FER1L6: variants seen among roughly 807,000 people sequenced by gnomAD.
FER1L6 encodes the protein fer-1 like family member 6.
FER1L6 carries 177 observed loss-of-function variants against 219.2 expected under a neutral mutation model. The observed-to-expected ratio is 0.81, with a 90% CI of 0.71 to 0.91. FER1L6 has a LOEUF of 0.91. FER1L6 is among the 40% of genes least tolerant of loss of function. The pLI is 0.00. For missense variants in FER1L6, 2,153 were observed against 2,259.9 expected, an observed-to-expected ratio of 0.95 and a Z score of 0.96; for synonymous variants, 768 against 824.3, an observed-to-expected ratio of 0.93 and a Z score of 1.17.
rs748297600 is a variant in FER1L6 at position 124,097,251 on chromosome 8, A to G, written c.4696-20A>G. The G allele has an allele frequency of 1.0e-5, 16 of 1,597,466 alleles. No individual in the cohort carries two copies. The East Asian group carries it at 2.7e-4, about 27-fold the overall frequency. On this transcript the variant is annotated intron_variant, in intron 35 of 40. Coordinates refer to ENST00000522917, the MANE Select transcript of FER1L6 (RefSeq NM_001039112.2). ...TAGCCCCCTCCCAAAGCTAAAGAAG[A>G]TATTTTTTTTCTTAACAAGGGCCGC...
intron 1 of FER1L6, among the ~76,000 whole-genome samples, chr8:123,855,720 C>T (rs1185923864): frequency 1.4e-5 from 2 of 147,526 alleles, no homozygotes; most frequent in African/African-American, 2.5e-5. Flanking sequence ...CACACACACA[C>T]ACACACATAT....
intron 12 of FER1L6, among the ~76,000 whole-genome samples, chr8:124,002,391 C>A (rs1817453113): frequency 1.3e-5 from 2 of 152,140 alleles, no homozygotes; most frequent in Admixed American, 1.3e-4. Context: ...GAAGGCTTCC[C>A]AAGTTAAGAG....
chr8:123,873,280 T>C (rs1816953496), intron 1 of FER1L6, among the ~76,000 whole-genome samples: 1 of 152,182 alleles, frequency 6.6e-6, no homozygotes, highest in African/African-American at 2.4e-5. Flanking sequence ...CTTCCTTTAA[T>C]TTGACATCAT....
intron 1 of FER1L6, among the ~76,000 whole-genome samples, chr8:123,918,219 G>T (rs1156507506): frequency 1.3e-5 from 2 of 151,638 alleles, no homozygotes; most frequent in African/African-American, 4.9e-5. Flanking sequence ...TGAGGTGGAA[G>T]AATTGCTTGA....
At position 124,066,458 on chromosome 8, in the gene FER1L6, A is replaced by G. The variant is rs762093622; in HGVS notation, c.3586A>G (p.Lys1196Glu). Reference sequence around the variant, plus strand: ...CAGGAAGCCTTCCCGGAGGTCCACTAAGAGGAGAAAGAGGACCATAGCAGA... The same window carrying G: ...CAGGAAGCCTTCCCGGAGGTCCACTGAGAGGAGAAAGAGGACCATAGCAGA... ...DPRKPSRRSTKRRKRTIADES... is the reference protein window; with the variant it reads ...DPRKPSRRSTERRKRTIADES... Residue 1196 changes from lysine (K) to glutamate (E), a missense_variant, in exon 27 of 41, where the codon AAG (lysine) becomes GAG (glutamate). By Grantham distance (56) the Lys-to-Glu change is moderately conservative. Transcript: ENST00000522917. 6.2e-7 allele frequency: 1 copy of G among 1,614,020 alleles called. No individual in the cohort carries two copies. Among genetic ancestry groups the G allele is most frequent in the Admixed American group, 1.7e-5 (1 of 60,028 alleles).
intron 11 of FER1L6, among the ~76,000 whole-genome samples, chr8:123,983,247 C>A (rs933336915): frequency 6.6e-6 from 1 of 152,080 alleles, no homozygotes; most frequent in African/African-American, 2.4e-5. Flanking sequence ...ACCTTCATTG[C>A]CCATCTGGAC....
chr8:123,988,911 A>C (rs1286078726), intron 12 of FER1L6, among the ~76,000 whole-genome samples: 1 of 152,154 alleles, frequency 6.6e-6, no homozygotes, highest in Non-Finnish European at 1.5e-5. Context: ...CCAGATCTTA[A>C]AGGAAAGGCT....
intron 1 of FER1L6, among the ~76,000 whole-genome samples, chr8:123,865,209 C>G (rs531390948): frequency 8.1e-5 from 12 of 149,044 alleles, no homozygotes; most frequent in African/African-American, 2.8e-4. Flanking sequence ...AGACAGGACC[C>G]TCAGCTGCAG....
intron 11 of FER1L6, among the ~76,000 whole-genome samples, chr8:123,983,838 A>G (rs1046230947): frequency 6.6e-6 from 1 of 152,210 alleles, no homozygotes; most frequent in African/African-American, 2.4e-5. Context: ...ATGCTTAATA[A>G]TTTTGGGCAG....
intron 39 of FER1L6, among the ~76,000 whole-genome samples, chr8:124,117,133 G>A (rs892486029): frequency 6.6e-6 from 1 of 152,244 alleles, no homozygotes; most frequent in Non-Finnish European, 1.5e-5. Context: ...GAAAGAGTAT[G>A]AGCTTTGGTA....
intron 10 of FER1L6, among the ~76,000 whole-genome samples, 159 bp downstream of exon 10, chr8:123,977,768 G>C (rs147162416): frequency 3.0e-4 from 46 of 152,298 alleles, no homozygotes; most frequent in African/African-American, 1.0e-3. Flanking sequence ...TTGGGGGATG[G>C]TTTTGGGATG....
At chr8:123,938,985 C>T (rs903580344) in intron 1 of FER1L6, among the ~76,000 whole-genome samples, 1 of 152,192 alleles carries the variant, frequency 6.6e-6, no homozygotes, top group African/African-American at 2.4e-5. Context: ...CGAGGGTTGC[C>T]TGGGTCACTT....
intron 1 of FER1L6, among the ~76,000 whole-genome samples, chr8:123,917,785 C>T (rs900238605): frequency 6.6e-6 from 1 of 152,184 alleles, no homozygotes; most frequent in Non-Finnish European, 1.5e-5. Context: ...TCGCATTATT[C>T]ATGCTGTTCT....
At position 124,082,453 on chromosome 8, in the gene FER1L6, T is replaced by A. The variant is rs748706654; in HGVS notation, c.4386T>A (p.Tyr1462Ter). Residue 1462 changes from tyrosine (Y) to a stop codon, truncating the protein, a stop_gained, in exon 33 of 41, where the codon TAT becomes TAA. Coordinates refer to ENST00000522917, the MANE Select transcript of FER1L6 (RefSeq NM_001039112.2). LOFTEE classifies it high-confidence loss of function. ...CCATCTGTGGCTTGCAGAGCCAGTA[T>A]GAGATGTAAGTTCTTTCTCCCCGGG... Reference protein sequence around the residue: ...HRAICGLQSQYEIEGYNAWRD... With the variant: ...HRAICGLQSQ 6.2e-7 allele frequency: 1 copy of A among 1,612,658 alleles called. No homozygotes were observed. Among genetic ancestry groups the A allele is most frequent in the South Asian group, 1.1e-5 (1 of 90,952 alleles).
chr8:123,859,302 A>G (rs1816703290), intron 1 of FER1L6, among the ~76,000 whole-genome samples: 1 of 152,098 alleles, frequency 6.6e-6, no homozygotes, highest in African/African-American at 2.4e-5. Context: ...TGCCTAGCCT[A>G]TTTATTTATT....
intron 1 of FER1L6, among the ~76,000 whole-genome samples, chr8:123,943,070 C>T (rs1056421611): frequency 6.6e-6 from 1 of 152,144 alleles, no homozygotes; most frequent in Non-Finnish European, 1.5e-5. Context: ...CTCAGTTTTG[C>T]CATCTGTACA....
intron 1 of FER1L6, among the ~76,000 whole-genome samples, chr8:123,858,005 T>G (rs892411064): frequency 2.0e-5 from 3 of 152,122 alleles, no homozygotes; most frequent in African/African-American, 7.2e-5. Flanking sequence ...ATCCCCACAT[T>G]TTTTTGAAGA....
intron 39 of FER1L6, among the ~76,000 whole-genome samples, chr8:124,117,552 A>G (rs770064771): frequency 3.9e-5 from 6 of 152,202 alleles, no homozygotes; most frequent in Non-Finnish European, 7.3e-5. Flanking sequence ...AGGACATTTA[A>G]TGCTACTCTG....
intron 25 of FER1L6, among the ~76,000 whole-genome samples, chr8:124,063,329 T>C (rs1272819462): frequency 7.9e-5 from 12 of 152,208 alleles, no homozygotes; most frequent in Admixed American, 7.9e-4. Flanking sequence ...TTTTAAACTT[T>C]ATAGTTTATA....
Sources: gnomAD v4.1 joint callset for allele counts (sites outside exome capture counted in the v4.1 genomes callset) on GRCh38, gnomAD v4.1.1 for gene constraint, MANE v1.5 for transcripts, NCBI Gene and HGNC (gene_info 2026-07-23, HGNC 2026-07-21) for gene names.